The following SIK3 variants were observed in gnomAD, a reference collection of about 807,000 sequenced individuals.
The protein encoded by SIK3 is serine/threonine-protein kinase SIK3.
Under a neutral mutation model 144.2 loss-of-function variants are expected in SIK3, and 28 were observed. The ratio of observed to expected loss-of-function variants is 0.19; its 90% CI spans 0.14 to 0.27. The LOEUF is 0.27. Ranked by LOEUF, SIK3 falls within the 10% of genes least tolerant of loss-of-function variation. The pLI, the probability that SIK3 is intolerant of heterozygous loss-of-function variation, is 1.00. For missense variants in SIK3, 1,319 were observed against 1,776.0 expected, an observed-to-expected ratio of 0.74 and a Z score of 4.62; for synonymous variants, 686 against 676.3, an observed-to-expected ratio of 1.01 and a Z score of -0.22.
chr11:116,956,861 T>C (rs1239360430), intron 2 of SIK3, 87 bp downstream of exon 2: 2 of 748,940 alleles, frequency 2.7e-6, no homozygotes, highest in Admixed American at 3.0e-5. Context: ...GTCACAGATG[T>C]TCACCCACCC....
chr11:116,887,787 T>A (rs1192510962), intron 6 of SIK3, among the ~76,000 whole-genome samples: 3 of 152,078 alleles, frequency 2.0e-5, no homozygotes, highest in Non-Finnish European at 2.9e-5. Flanking sequence ...TACATTCTAG[T>A]GGGGAGAGGA....
At chr11:117,049,853 C>T (rs1159091831) in intron 1 of SIK3, among the ~76,000 whole-genome samples, 1 of 151,848 alleles carries the variant, frequency 6.6e-6, no homozygotes, top group Non-Finnish European at 1.5e-5. Flanking sequence ...TACCCAGGAG[C>T]TAGGATCCTC....
intron 1 of SIK3, among the ~76,000 whole-genome samples, chr11:117,081,684 A>C (rs996727545): frequency 2.0e-5 from 3 of 152,212 alleles, no homozygotes; most frequent in Admixed American, 1.3e-4. Context: ...CCCGGGAAAG[A>C]GAGAGCTATA....
intron 1 of SIK3, among the ~76,000 whole-genome samples, chr11:116,972,138 T>C (rs1253349166): frequency 6.6e-6 from 1 of 151,052 alleles, no homozygotes; most frequent in Admixed American, 6.6e-5. Flanking sequence ...TCTTAACCCA[T>C]ACAACAACCC....
At chr11:116,927,874 G>T (rs956066611) in intron 3 of SIK3, among the ~76,000 whole-genome samples, 1 of 152,186 alleles carries the variant, frequency 6.6e-6, no homozygotes, top group Non-Finnish European at 1.5e-5. Context: ...ACTCTGTTTA[G>T]GTTACTATCT....
chr11:117,016,394 G>GGGGAGGAAGGAA (rs1951534631), intron 1 of SIK3, among the ~76,000 whole-genome samples: 1 of 59,280 alleles, frequency 1.7e-5, no homozygotes, highest in African/African-American at 8.7e-5. Flanking sequence ...GAGGGAGGGA[G>GGGGAGGAAGGAA]GGAAGGAAGG....
rs1565384581 is a variant in SIK3, at chr11:116,868,075, C to T, written c.1823G>A (p.Arg608Lys). The T allele has an allele frequency of 6.4e-6, 10 of 1,550,460 alleles. No homozygotes were observed. The highest frequency in any genetic ancestry group is 8.7e-6 in the Non-Finnish European group (10 of 1,146,998). The change falls in exon 15 of 25, where the codon AGG (arginine) becomes AAG (lysine). Residue 608 changes from arginine to lysine, a missense_variant. Coordinates refer to ENST00000445177, the MANE Select transcript of SIK3 (RefSeq NM_001366686.3). Reference sequence around the variant, plus strand: ...CATGGCCAGTGTATGTCTTTTGGACCTATTTGCCAAGTACCTGCAACAAGC... The same window carrying T: ...CATGGCCAGTGTATGTCTTTTGGACTTATTTGCCAAGTACCTGCAACAAGC... ...QEAVQRYLAN[R>K]SKRHTLAMTN...
intron 1 of SIK3, among the ~76,000 whole-genome samples, chr11:117,068,856 C>A (rs1954135148): frequency 6.6e-6 from 1 of 152,178 alleles, no homozygotes; most frequent in South Asian, 2.1e-4. Context: ...TAATTTTAAA[C>A]CACATTTTCC....
chr11:116,852,112 CAGCAA>C (rs1942502325), intron 21 of SIK3, among the ~76,000 whole-genome samples: 1 of 152,202 alleles, frequency 6.6e-6, no homozygotes, highest in Non-Finnish European at 1.5e-5. Context: ...CATGAGGAAA[CAGCAA>C]AGCTAACAAA....
chr11:117,061,761 T>C (rs1349470788), intron 1 of SIK3, among the ~76,000 whole-genome samples: 1 of 152,180 alleles, frequency 6.6e-6, no homozygotes, highest in Non-Finnish European at 1.5e-5. Flanking sequence ...GGTATGATTA[T>C]TATCAATCAT....
Position 116,982,332 on chromosome 11 carries a change from G to A in SIK3, c.274-25268C>T, listed in dbSNP as rs560464690. Among the ~76,000 whole-genome samples the A allele has an allele frequency of 1.1e-3, 157 of 148,696 alleles. 1 individual carries two copies. The Middle Eastern group carries it at 0.014, about 13-fold the overall frequency. ...CAGACGGAGTCTCACTCTGTCACCC[G>A]GGCTGGAGTGCAGTGGGGCAATCTC... On this transcript the variant is annotated intron_variant, in intron 1 of 24. Coordinates refer to ENST00000445177, the MANE Select transcript of SIK3 (RefSeq NM_001366686.3).
At chr11:117,022,507 T>C (rs985289208) in intron 1 of SIK3, among the ~76,000 whole-genome samples, 1 of 152,116 alleles carries the variant, frequency 6.6e-6, no homozygotes, top group African/African-American at 2.4e-5. Context: ...TCTTGAAAAA[T>C]CAAATACCCA....
chr11:117,008,037 T>C (rs1951114590), intron 1 of SIK3, among the ~76,000 whole-genome samples: 1 of 119,334 alleles, frequency 8.4e-6, no homozygotes, highest in Non-Finnish European at 1.6e-5. Context: ...GATCGCACCA[T>C]GGCACTTCAG....
chr11:116,961,586 T>C (rs1439758351), intron 1 of SIK3, among the ~76,000 whole-genome samples: 2 of 152,222 alleles, frequency 1.3e-5, no homozygotes, highest in African/African-American at 2.4e-5. Flanking sequence ...AATGTTATTA[T>C]ATTGGGGTTG....
At chr11:116,888,974 T>C (rs559634504) in intron 6 of SIK3, among the ~76,000 whole-genome samples, 8 of 152,198 alleles carry the variant, frequency 5.3e-5, no homozygotes, top group Admixed American at 1.3e-4. Flanking sequence ...TCTCTTGCCA[T>C]GGTGTGAGGT....
intron 1 of SIK3, among the ~76,000 whole-genome samples, chr11:117,088,702 G>C (rs1028098805): frequency 6.6e-5 from 10 of 152,126 alleles, no homozygotes; most frequent in Admixed American, 2.0e-4. Flanking sequence ...TTTGAGAAGT[G>C]CTCTGGCTCT....
chr11:116,953,331 T>C (rs1035079362), intron 3 of SIK3, among the ~76,000 whole-genome samples: 1 of 152,204 alleles, frequency 6.6e-6, no homozygotes, highest in African/African-American at 2.4e-5. Context: ...TTCTCTGTAG[T>C]TAGTTGCCAA....
At chr11:116,965,933 T>A (rs1431782130) in intron 1 of SIK3, among the ~76,000 whole-genome samples, 13 of 139,694 alleles carry the variant, frequency 9.3e-5, no homozygotes, top group African/African-American at 3.5e-4. Flanking sequence ...AGACTCCGTC[T>A]CAAAAAAAAA....
chr11:117,005,117 T>C (rs1003885614), intron 1 of SIK3, among the ~76,000 whole-genome samples: 3 of 151,534 alleles, frequency 2.0e-5, no homozygotes, highest in Admixed American at 6.6e-5. Flanking sequence ...TGAACTCTTC[T>C]CCTTTTTTAC....
Sources: allele counts gnomAD v4.1 joint callset (sites outside exome capture counted in the v4.1 genomes callset), GRCh38; gene constraint gnomAD v4.1.1; transcripts MANE v1.5; gene names NCBI Gene and HGNC (gene_info 2026-07-23, HGNC 2026-07-21).